The following PDE11A variants were observed in gnomAD, a reference collection of about 807,000 sequenced individuals.
PDE11A encodes phosphodiesterase 11A.
In PDE11A, 100 loss-of-function variants were observed where a neutral mutation model predicts 100.5. The ratio of observed to expected loss-of-function variants is 1.00; its 90% CI spans 0.85 to 1.18. PDE11A has a LOEUF of 1.18. PDE11A is among the 50% of genes most tolerant of loss of function. PDE11A has a pLI of 0.00. For missense variants in PDE11A, 1,141 were observed against 1,152.6 expected, an observed-to-expected ratio of 0.99 and a Z score of 0.15; for synonymous variants, 381 against 420.8, an observed-to-expected ratio of 0.91 and a Z score of 1.16.
chr2:177,662,508 A>C (rs1346859056), intron 19 of PDE11A, among the ~76,000 whole-genome samples: 1 of 152,184 alleles, frequency 6.6e-6, no homozygotes, highest in Non-Finnish European at 1.5e-5. Context: ...AGCAAGATAC[A>C]CCTGACCCAA....
At chr2:177,788,203 G>A (rs2082570343) in intron 9 of PDE11A, among the ~76,000 whole-genome samples, 2 of 151,774 alleles carry the variant, frequency 1.3e-5, no homozygotes, top group Admixed American at 1.3e-4. Flanking sequence ...AGACCACAGT[G>A]CAATCAAACT....
rs1394976179 is a variant in PDE11A at position 177,967,371 on chromosome 2, T to C, written c.1071+46931A>G. Among the ~76,000 whole-genome samples, 6 of 151,760 alleles carry C rather than the reference T, an allele frequency of 4.0e-5. No homozygotes were observed. In the East Asian group the frequency reaches 9.6e-4, roughly 24 times the overall value. On this transcript the variant is annotated intron_variant, in intron 2 of 19. Transcript: ENST00000286063. ...ACCACCACACCCAGCTAATTTTTTA[T>C]AGTTTTAGTAGAGACAAGGTTTTGC...
chr2:177,798,117 T>C (rs2082731286), intron 9 of PDE11A, among the ~76,000 whole-genome samples: 1 of 152,212 alleles, frequency 6.6e-6, no homozygotes, highest in Non-Finnish European at 1.5e-5. Flanking sequence ...TACTTTTACC[T>C]ATGACTTTCC....
At chr2:177,815,534 G>C (rs10930810) in intron 9 of PDE11A, among the ~76,000 whole-genome samples, 1 of 151,522 alleles carries the variant, frequency 6.6e-6, no homozygotes, top group Non-Finnish European at 1.5e-5. Flanking sequence ...AGCATCCCTT[G>C]CCAAGGTAAG....
chr2:178,027,604 C>T (rs1315945358), intron 1 of PDE11A, among the ~76,000 whole-genome samples: 6 of 152,154 alleles, frequency 3.9e-5, no homozygotes, highest in Admixed American at 3.9e-4. Context: ...GCTAGCAATC[C>T]AAATGGCCCC....
chr2:177,835,618 C>T (rs2105613289), intron 6 of PDE11A, among the ~76,000 whole-genome samples: 1 of 152,326 alleles, frequency 6.6e-6, no homozygotes, highest in South Asian at 2.1e-4. Context: ...GGGAGCCCCT[C>T]TCTGGGCTGG....
intron 2 of PDE11A, among the ~76,000 whole-genome samples, chr2:177,945,463 T>G (rs1317468793): frequency 2.1e-5 from 3 of 141,706 alleles, no homozygotes; most frequent in East Asian, 4.2e-4. Context: ...GGAGTGCCTC[T>G]GCCCCGCCGC....
chr2:177,739,148 G>A (rs1040256552), intron 10 of PDE11A, among the ~76,000 whole-genome samples: 1 of 152,184 alleles, frequency 6.6e-6, no homozygotes, highest in Non-Finnish European at 1.5e-5. Flanking sequence ...GAGGGCAAAG[G>A]GAACTGGAGG....
At chr2:177,776,151 A>G (rs538978787) in intron 9 of PDE11A, among the ~76,000 whole-genome samples, 90 of 152,218 alleles carry the variant, frequency 5.9e-4, no homozygotes, top group Non-Finnish European at 7.1e-4. Context: ...TAAAGTAAGC[A>G]ATGTAGGTAG....
chr2:178,092,305 C>A (rs924026151), intron 2 of PDE11A, among the ~76,000 whole-genome samples: 1 of 152,168 alleles, frequency 6.6e-6, no homozygotes, highest in Non-Finnish European at 1.5e-5. Flanking sequence ...CTGACCTATC[C>A]CCTTCCTTAG....
At chr2:178,005,168 GAA>G (rs1471776978) in intron 2 of PDE11A, among the ~76,000 whole-genome samples, 1 of 151,492 alleles carries the variant, frequency 6.6e-6, no homozygotes, top group Non-Finnish European at 1.5e-5. Flanking sequence ...GGGAAAAAAA[GAA>G]AGATTCTGTT....
intron 15 of PDE11A, chr2:177,687,936 G>A (rs2080978434): frequency 6.6e-6 from 1 of 152,142 alleles, no homozygotes; most frequent in South Asian, 2.1e-4. Context: ...CGTGGTATTT[G>A]CCAGCTGATG....
At chr2:177,946,802 G>A (rs1574300151) in intron 2 of PDE11A, among the ~76,000 whole-genome samples, 2 of 91,654 alleles carry the variant, frequency 2.2e-5, no homozygotes, top group Non-Finnish European at 4.6e-5. Flanking sequence ...TCAGCCCCCC[G>A]CCCGGCCAGC....
intron 16 of PDE11A, chr2:177,675,913 C>T (rs539626811): frequency 9.1e-6 from 3 of 331,258 alleles, no homozygotes; most frequent in Non-Finnish European, 1.8e-5. Context: ...GATGAAACTA[C>T]TTACCAACTT....
intron 2 of PDE11A, among the ~76,000 whole-genome samples, chr2:177,994,001 T>C (rs2086037881): frequency 6.7e-6 from 1 of 148,676 alleles, no homozygotes; most frequent in South Asian, 2.1e-4. Flanking sequence ...AATGGAGCAA[T>C]CTCGGCTCAC....
At chr2:178,005,308 G>A (rs942792990) in intron 2 of PDE11A, among the ~76,000 whole-genome samples, 9 of 151,904 alleles carry the variant, frequency 5.9e-5, no homozygotes, top group African/African-American at 1.5e-4. Flanking sequence ...AAGCACATTC[G>A]TATAAATAAA....
At chr2:177,999,396 T>C (rs1006677282) in intron 2 of PDE11A, among the ~76,000 whole-genome samples, 1 of 152,200 alleles carries the variant, frequency 6.6e-6, no homozygotes, top group African/African-American at 2.4e-5. Context: ...CTATAACAAA[T>C]TTCAGTTACA....
chr2:177,922,692 C>G, intron 2 of PDE11A: 1 of 985,368 alleles, frequency 1.0e-6, no homozygotes, highest in Non-Finnish European at 1.2e-6. Context: ...CTCACCCCCA[C>G]TCCAATCCAA....
chr2:177,728,574 AAGG>A (rs2081637342), intron 10 of PDE11A, among the ~76,000 whole-genome samples: 1 of 152,120 alleles, frequency 6.6e-6, no homozygotes, highest in African/African-American at 2.4e-5. Context: ...TATTCAGGAG[AAGG>A]AGAAGGGAAT....
Sources: gnomAD v4.1 joint callset for allele counts (sites outside exome capture counted in the v4.1 genomes callset) on GRCh38, gnomAD v4.1.1 for gene constraint, MANE v1.5 for transcripts, NCBI Gene and HGNC (gene_info 2026-07-23, HGNC 2026-07-21) for gene names.